GBA1: variants seen among roughly 807,000 people sequenced by gnomAD.
GBA1 encodes lysosomal acid glucosylceramidase.
At chr1:155,236,777 G>GTA in the GBA1 span, among the ~76,000 whole-genome samples, 1 of 151,434 alleles carries the variant, frequency 6.6e-6, no homozygotes, top group Non-Finnish European at 1.5e-5. Context: ...GTGTATGTAT[G>GTA]TGTGTGTGTG....
chr1:155,235,347 G>T, the GBA1 span: 90 of 1,604,414 alleles, frequency 5.6e-5, no homozygotes, highest in Non-Finnish European at 6.5e-5. Context: ...GTCCCTCGGG[G>T]TACCTCCCAT....
the GBA1 span, chr1:155,238,451 T>C: frequency 7.3e-7 from 1 of 1,377,806 alleles, no homozygotes. Flanking sequence ...CAAGCAGACC[T>C]ACCCTACAGT....
At chr1:155,239,560 A>C in the GBA1 span, 3 of 1,604,716 alleles carry the variant, frequency 1.9e-6, no homozygotes, top group Non-Finnish European at 2.6e-6. Context: ...TAAAAAAAGA[A>C]AAGAAAAACG....
the GBA1 span, chr1:155,237,290 T>C: frequency 6.2e-7 from 1 of 1,613,562 alleles, no homozygotes; most frequent in Non-Finnish European, 8.5e-7. Context: ...GCCAGTCATT[T>C]GGATGCTGGA....
the GBA1 span, chr1:155,244,458 G>C: frequency 6.6e-6 from 1 of 152,190 alleles, no homozygotes; most frequent in African/African-American, 2.4e-5. Context: ...TGCGAACGCA[G>C]GGAGGGGACA....
the GBA1 span, chr1:155,240,850 A>C: frequency 8.0e-3 from 7,228 of 902,910 alleles, 213 homozygotes; most frequent in African/African-American, 0.075. Flanking sequence ...GGCCCACAGA[A>C]ACCTGGGTGC....
the GBA1 span, chr1:155,240,087 A>G: frequency 3.1e-6 from 5 of 1,611,936 alleles, no homozygotes; most frequent in South Asian, 4.4e-5. Flanking sequence ...CCTGGGAGGG[A>G]GGGAGTACAA....
the GBA1 span, chr1:155,240,803 G>GT: frequency 1.7e-6 from 2 of 1,198,912 alleles, no homozygotes; most frequent in Non-Finnish European, 2.5e-6. Context: ...CTGCCTTTGG[G>GT]TGCCCATGGC....
chr1:155,241,147 G>A, the GBA1 span: 1 of 1,609,294 alleles, frequency 6.2e-7, no homozygotes, highest in African/African-American at 1.3e-5. Flanking sequence ...GAAGACCACA[G>A]GGGTTCCAGA....
At chr1:155,242,654 C>T in the GBA1 span, among the ~76,000 whole-genome samples, 1 of 146,290 alleles carries the variant, frequency 6.8e-6, no homozygotes, top group Non-Finnish European at 1.5e-5. Context: ...AGAGTCTTGC[C>T]CTGTTGCCCA....
the GBA1 span, among the ~76,000 whole-genome samples, chr1:155,243,579 C>G: frequency 1.3e-5 from 2 of 152,098 alleles, no homozygotes; most frequent in Admixed American, 6.5e-5. Context: ...ATCCTCCCAC[C>G]TCAGCCTCCA....
At chr1:155,236,167 G>C in the GBA1 span, 11 of 1,245,680 alleles carry the variant, frequency 8.8e-6, no homozygotes, top group Non-Finnish European at 1.3e-5. Flanking sequence ...TGGACAGGAA[G>C]GGCTTCTGTC....
the GBA1 span, among the ~76,000 whole-genome samples, chr1:155,242,906 A>G: frequency 6.6e-6 from 1 of 152,174 alleles, no homozygotes; most frequent in Non-Finnish European, 1.5e-5. Flanking sequence ...CCAGTAATTA[A>G]GTACAGTCTC....
chr1:155,239,913 G>A, the GBA1 span: 17 of 1,614,094 alleles, frequency 1.1e-5, no homozygotes, highest in Non-Finnish European at 1.4e-5. Flanking sequence ...GCCTGGATGG[G>A]CCCCATACTC....
At chr1:155,237,386 G>C in the GBA1 span, 3 of 1,613,896 alleles carry the variant, frequency 1.9e-6, no homozygotes, top group Non-Finnish European at 2.5e-6. Flanking sequence ...CATCCAGCAT[G>C]AGTAGGCGGA....
At chr1:155,244,605 C>T in the GBA1 span, 1 of 152,184 alleles carries the variant, frequency 6.6e-6, no homozygotes, top group Non-Finnish European at 1.5e-5. Context: ...GGGCCCCGCG[C>T]AGTAAGACTC....
chr1:155,242,903 T>C, the GBA1 span, among the ~76,000 whole-genome samples: 1 of 152,168 alleles, frequency 6.6e-6, no homozygotes, highest in Non-Finnish European at 1.5e-5. Context: ...CCTCCAGTAA[T>C]TAAGTACAGT....
At chr1:155,239,712 A>G in the GBA1 span, 1 of 1,614,050 alleles carries the variant, frequency 6.2e-7, no homozygotes, top group Non-Finnish European at 8.5e-7. Flanking sequence ...GCCCCTCCAA[A>G]TCCCTTCACT....
chr1:155,239,217 C>CAAAAAAAA, the GBA1 span, among the ~76,000 whole-genome samples: 1 of 117,002 alleles, frequency 8.5e-6, no homozygotes, highest in South Asian at 2.6e-4. Flanking sequence ...GACTCTGTCT[C>CAAAAAAAA]AAAAAAAAAA....
Sources: gnomAD v4.1 joint callset for allele counts (sites outside exome capture counted in the v4.1 genomes callset) on GRCh38, gnomAD v4.1.1 for gene constraint, MANE v1.5 for transcripts, NCBI Gene and HGNC (gene_info 2026-07-23, HGNC 2026-07-21) for gene names.